The following RFX3 variants were observed in gnomAD, a reference collection of about 807,000 sequenced individuals.
RFX3 encodes regulatory factor X3, also known as transcription factor RFX3.
RFX3 carries 14 observed loss-of-function variants against 98.6 expected under a neutral mutation model. The observed-to-expected ratio is 0.14, with a 90% CI of 0.09 to 0.22. RFX3 has a LOEUF of 0.22. RFX3 is among the 10% of genes least tolerant of loss of function. RFX3 has a pLI of 1.00. For missense variants in RFX3, 639 were observed against 926.9 expected, an observed-to-expected ratio of 0.69 and a Z score of 4.03; for synonymous variants, 383 against 328.4, an observed-to-expected ratio of 1.17 and a Z score of -1.80.
At chr9:3,235,227 A>G (rs1272170803) in intron 15 of RFX3, among the ~76,000 whole-genome samples, 1 of 152,254 alleles carries the variant, frequency 6.6e-6, no homozygotes, top group Non-Finnish European at 1.5e-5. Flanking sequence ...GTGAAGACGT[A>G]AAGAGAGAGT....
At chr9:3,260,209 A>G (rs1822687166) in intron 13 of RFX3, among the ~76,000 whole-genome samples, 1 of 152,056 alleles carries the variant, frequency 6.6e-6, no homozygotes, top group Admixed American at 6.6e-5. Flanking sequence ...AAGGTTTTGG[A>G]GGGCAGATGC....
rs1461740103 is a variant in RFX3, at chr9:3,525,931, AGAGAGAGAGG to A, written c.-203_-194del. 5.2e-6 allele frequency: 5 copies of A among 958,738 alleles called. No individual in the cohort carries two copies. The highest frequency in any genetic ancestry group is 3.7e-5 in the African/African-American group (2 of 54,454). 59.4% of individuals were successfully genotyped at this position (958,738 alleles called of 1,614,324 possible). ...ACGGTTGCTATAACTCACAAAAGAG[AGAGAGAGAGG>A]GAGAGAGAGAGAGAGCGAGAGGGAG... On this transcript the variant is annotated 5_prime_UTR_variant, in exon 1 of 17. Transcript: ENST00000617270.
At chr9:3,291,377 A>C (rs1490238460) in intron 6 of RFX3, among the ~76,000 whole-genome samples, 4 of 142,154 alleles carry the variant, frequency 2.8e-5, no homozygotes, top group Non-Finnish European at 4.5e-5. Flanking sequence ...TTCTCAAAAA[A>C]CAAAACAAAA....
chr9:3,262,216 T>C (rs1466084387), intron 13 of RFX3, among the ~76,000 whole-genome samples: 1 of 152,200 alleles, frequency 6.6e-6, no homozygotes, highest in Non-Finnish European at 1.5e-5. Flanking sequence ...TGTTTTTATT[T>C]GGTAACATTT....
At chr9:3,509,961 A>C (rs1257065102) in intron 1 of RFX3, among the ~76,000 whole-genome samples, 1 of 151,988 alleles carries the variant, frequency 6.6e-6, no homozygotes, top group Non-Finnish European at 1.5e-5. Context: ...GTTCAACTTG[A>C]TAACTTCCCA....
chr9:3,461,389 G>A (rs1381979434), intron 1 of RFX3, among the ~76,000 whole-genome samples: 1 of 151,860 alleles, frequency 6.6e-6, no homozygotes, highest in Non-Finnish European at 1.5e-5. Context: ...TGCTTTGGAT[G>A]AAAATAGAAC....
chr9:3,266,895 G>A (rs1264453765), intron 11 of RFX3, among the ~76,000 whole-genome samples: 1 of 151,972 alleles, frequency 6.6e-6, no homozygotes, highest in African/African-American at 2.4e-5. Context: ...GGCAGGTAGA[G>A]GTAAACGATC....
In RFX3 at chr9:3,387,938, G is replaced by C. The variant is rs116201875; in HGVS notation, c.117+7534C>G. Among the ~76,000 whole-genome samples the C allele has an allele frequency of 2.2e-3, 333 of 152,182 alleles. 3 individuals are homozygous for C. The highest frequency in any genetic ancestry group is 7.7e-3 in the African/African-American group (320 of 41,544). On this transcript the variant is annotated intron_variant, in intron 2 of 16. Transcript: ENST00000617270. ...CAAGAATGATGGAGTGCACTATCTT[G>C]GGCATAGCTCCCCAAACTAACAAAT...
chr9:3,495,582 A>G (rs145586806), intron 1 of RFX3, among the ~76,000 whole-genome samples: 1 of 152,128 alleles, frequency 6.6e-6, no homozygotes, highest in Non-Finnish European at 1.5e-5. Flanking sequence ...GCAGAACAAT[A>G]GAATCAGCTA....
Position 3,251,853 on chromosome 9 carries a change from T to G in RFX3, c.1815-3668A>C, listed in dbSNP as rs560650869. On this transcript the variant is annotated intron_variant, in intron 14 of 16. Coordinates refer to ENST00000617270, the MANE Select transcript of RFX3 (RefSeq NM_001282116.2). ...TAGGCCTTTCTATTTCTCTTTCTCT[T>G]TTTTTTGTTTTTGAGATGGAGTCTC... Among the ~76,000 whole-genome samples the G allele has an allele frequency of 9.1e-4, 139 of 152,066 alleles. 5 individuals are homozygous for G. The South Asian group carries it at 0.027, about 30-fold the overall frequency.
At chr9:3,433,570 C>T (rs1844849507) in intron 1 of RFX3, among the ~76,000 whole-genome samples, 1 of 152,206 alleles carries the variant, frequency 6.6e-6, no homozygotes, top group Admixed American at 6.5e-5. Context: ...TAGCTTCTGA[C>T]TGTGCTTGGG....
chr9:3,244,028 G>A (rs1241265106), intron 15 of RFX3, among the ~76,000 whole-genome samples: 5 of 147,906 alleles, frequency 3.4e-5, no homozygotes, highest in Non-Finnish European at 7.4e-5. Context: ...TTGAGATGGA[G>A]TCCCGCTTTG....
At chr9:3,349,523 AATATATTT>A in intron 2 of RFX3, among the ~76,000 whole-genome samples, 1 of 152,096 alleles carries the variant, frequency 6.6e-6, no homozygotes, top group Non-Finnish European at 1.5e-5. Flanking sequence ...TAAAACAGGC[AATATATTT>A]GGACAGATGA....
intron 15 of RFX3, among the ~76,000 whole-genome samples, chr9:3,234,505 G>C (rs1818875640): frequency 6.6e-6 from 1 of 152,184 alleles, no homozygotes; most frequent in African/African-American, 2.4e-5. Flanking sequence ...GCTGGGTGTG[G>C]TGGCACACGC....
rs7032977 is a variant in RFX3 at position 3,359,040 on chromosome 9, A to G, written c.118-12276T>C. ...TTGAGTAGGGACACAGAGCCCACCC[A>G]TATCATCTGGTATGCATGGTTTTTC... On this transcript the variant is annotated intron_variant, in intron 2 of 16. Coordinates refer to ENST00000617270, the MANE Select transcript of RFX3 (RefSeq NM_001282116.2). Among the ~76,000 whole-genome samples, 662 of 151,728 alleles carry G rather than the reference A, an allele frequency of 4.4e-3. 5 individuals carry two copies. The highest frequency in any genetic ancestry group is 0.015 in the African/African-American group (636 of 41,368).
chr9:3,438,838 ATAATTT>A (rs1287276135), intron 1 of RFX3, among the ~76,000 whole-genome samples: 1 of 152,016 alleles, frequency 6.6e-6, no homozygotes, highest in East Asian at 1.9e-4. Flanking sequence ...AGACGACATA[ATAATTT>A]TAAATGATTA....
At chr9:3,509,297 A>G (rs1232016466) in intron 1 of RFX3, among the ~76,000 whole-genome samples, 2 of 151,984 alleles carry the variant, frequency 1.3e-5, no homozygotes, top group African/African-American at 4.8e-5. Context: ...TTTGTTCCAC[A>G]AAAGAGTGAC....
At chr9:3,483,182 C>A (rs1294644109) in intron 1 of RFX3, among the ~76,000 whole-genome samples, 1 of 152,088 alleles carries the variant, frequency 6.6e-6, no homozygotes, top group Non-Finnish European at 1.5e-5. Flanking sequence ...CCCAGATACA[C>A]CACTACCCGA....
intron 2 of RFX3, among the ~76,000 whole-genome samples, chr9:3,362,243 T>A (rs1836548149): frequency 6.6e-6 from 1 of 152,344 alleles, no homozygotes; most frequent in Non-Finnish European, 1.5e-5. Flanking sequence ...TTGCTGTGAA[T>A]CTTCTAGGAA....
Sources: allele counts gnomAD v4.1 joint callset (sites outside exome capture counted in the v4.1 genomes callset), GRCh38; gene constraint gnomAD v4.1.1; transcripts MANE v1.5; gene names NCBI Gene and HGNC (gene_info 2026-07-23, HGNC 2026-07-21).